The following DBT variants were observed in gnomAD, a reference collection of about 807,000 sequenced individuals.
DBT encodes the protein lipoamide acyltransferase component of branched-chain alpha-keto acid dehydrogenase complex, mitochondrial.
In DBT, 40 loss-of-function variants were observed where a neutral mutation model predicts 51.3. That is an observed-to-expected ratio of 0.78 (90% CI 0.61 to 1.02). DBT has a LOEUF of 1.02. Among genes scored for constraint, DBT ranks in the 50% least tolerant of loss-of-function variants. The pLI is 0.00. For synonymous variants in DBT, 181 were observed against 190.4 expected (o/e 0.95, Z 0.41); for missense variants, 510 against 580.2 (o/e 0.88, Z 1.24).
At chr1:100,202,309 G>C (rs1661489657) in intron 10 of DBT, among the ~76,000 whole-genome samples, 1 of 151,938 alleles carries the variant, frequency 6.6e-6, no homozygotes, top group South Asian at 2.1e-4. Context: ...ATAAAAAAAA[G>C]ACAAGGGCAT....
Position 100,219,533 on chromosome 1 carries a change from T to C in DBT, c.434-786A>G, listed in dbSNP as rs75767132. ...GGTGGGTGGATCACTTACTTGAGCC[T>C]AGGAGTTTAAGACCAGCCTGGGCAA... On this transcript the variant is annotated intron_variant, in intron 4 of 10. Coordinates refer to ENST00000370132, the MANE Select transcript of DBT (RefSeq NM_001918.5). Among the ~76,000 whole-genome samples, 436 of 152,078 alleles carry C rather than the reference T, an allele frequency of 2.9e-3. 3 individuals are homozygous for C. The highest frequency in any genetic ancestry group is 0.01 in the African/African-American group (420 of 41,492).
rs2100804264 is a variant in DBT, at chr1:100,218,632, T to C, written c.549A>G (p.Glu183=). The change falls in exon 5 of 11, where the codon GAA becomes GAG. Residue 183 remains glutamate, a synonymous_variant. Coordinates refer to ENST00000370132, the MANE Select transcript of DBT (RefSeq NM_001918.5). ...ATPAVRRLAM[E]NNIKLSEVVG... Reference sequence around the variant, plus strand: ...AAATATTAAGAGAACTTACATTGTTTTCCATTGCCAGACGGCGAACTGCAG... The same window carrying C: ...AAATATTAAGAGAACTTACATTGTTCTCCATTGCCAGACGGCGAACTGCAG... The C allele has an allele frequency of 6.2e-7, 1 of 1,614,042 alleles. No individual in the cohort carries two copies.
chr1:100,249,281 CA>C, intron 1 of DBT: 1 of 237,326 alleles, frequency 4.2e-6, no homozygotes, highest in South Asian at 6.0e-5. Context: ...AAGTACAAGG[CA>C]AAAGAGTGAC....
chr1:100,194,907 C>T lies in DBT; in HGVS notation c.*1348G>A, dbSNP rs1661001824. Reference sequence around the variant, plus strand: ...TTTTGGCATACAGTTTTCAACTGGACAATATTAGAAACAACATGGATTTCC... The same window carrying T: ...TTTTGGCATACAGTTTTCAACTGGATAATATTAGAAACAACATGGATTTCC... On this transcript the variant is annotated 3_prime_UTR_variant, in exon 11 of 11. Transcript: ENST00000370132. The T allele has an allele frequency of 6.6e-6, 1 of 152,080 alleles. No individual in the cohort carries two copies. Among genetic ancestry groups the T allele is most frequent in the South Asian group, 2.1e-4 (1 of 4,826 alleles). 9.4% of individuals were successfully genotyped at this position (152,080 alleles called of 1,614,324 possible).
chr1:100,240,801 G>C lies in DBT; in HGVS notation c.135C>G (p.Phe45Leu), dbSNP rs777026838. The C allele has an allele frequency of 6.2e-7, 1 of 1,606,260 alleles. No homozygotes were observed. Among genetic ancestry groups the C allele is most frequent in the South Asian group, 1.1e-5 (1 of 90,876 alleles). The change falls in exon 2 of 11, where the codon TTC becomes TTG. Residue 45 changes from phenylalanine to leucine, a missense_variant. By Grantham distance (22) the Phe-to-Leu change is conservative. Transcript: ENST00000370132. Reference sequence around the variant, plus strand: ...GGAAGTGATGTGGATGACTATACTTGAATGAAGGATAACCAAAGAAACACA... The same window carrying C: ...GGAAGTGATGTGGATGACTATACTTCAATGAAGGATAACCAAAGAAACACA... ...NYVCFFGYPSFKYSHPHHFLK... is the reference protein window; with the variant it reads ...NYVCFFGYPSLKYSHPHHFLK...
chr1:100,215,916 C>A lies in DBT; in HGVS notation c.772+67G>T, dbSNP rs958460442. 8.8e-6 allele frequency: 8 copies of A among 912,660 alleles called. No individual in the cohort carries two copies. In the Admixed American group the frequency reaches 1.4e-4, roughly 15 times the overall value. 56.5% of individuals were successfully genotyped at this position (912,660 alleles called of 1,614,324 possible). On this transcript the variant is annotated intron_variant, in intron 6 of 10. Transcript: ENST00000370132. ...AAAACACCATATTATATACATTTAT[C>A]TACTGAGGTAGCTTCCCCCAAAATA... is the stretch of plus-strand genomic sequence containing the variant.
chr1:100,234,408 G>A (rs556875318), intron 3 of DBT, among the ~76,000 whole-genome samples: 2 of 151,780 alleles, frequency 1.3e-5, no homozygotes, highest in South Asian at 4.2e-4. Flanking sequence ...GGCCCAGGTG[G>A]GAAGATCACT....
At position 100,215,889 on chromosome 1, in the gene DBT, T is replaced by G. The variant is rs1662446291; in HGVS notation, c.772+94A>C. 7.2e-6 allele frequency: 6 copies of G among 827,640 alleles called. No individual in the cohort carries two copies. In the South Asian group the frequency reaches 8.4e-5, roughly 12 times the overall value. The allele number at this position is 827,640 out of a possible 1,614,324, so 51.3% of individuals were successfully genotyped here. A position where few individuals can be genotyped will look rare whatever the true frequency, so the allele number is the denominator to read the frequency against. ...GTTGAACTTTCCCTTCAGTAAGACT[T>G]GAAAACACCATATTATATACATTTA... On this transcript the variant is annotated intron_variant, in intron 6 of 10. Coordinates refer to ENST00000370132, the MANE Select transcript of DBT (RefSeq NM_001918.5).
intron 1 of DBT, among the ~76,000 whole-genome samples, chr1:100,247,696 T>TA (rs1255949220): frequency 1.1e-4 from 1 of 8,782 alleles, no homozygotes; most frequent in African/African-American, 2.3e-4. Flanking sequence ...AAGACTCTTC[T>TA]CAAAAAAAAA....
At chr1:100,206,196 TA>T (rs767662363) in intron 10 of DBT, 33 bp downstream of exon 10, 1 of 1,497,306 alleles carries the variant, frequency 6.7e-7, no homozygotes, top group Non-Finnish European at 9.3e-7. Flanking sequence ...TGAATTTGCT[TA>T]AACTCCATTT....
intron 1 of DBT, chr1:100,249,046 G>C (rs1271151091): frequency 1.0e-6 from 1 of 968,322 alleles, no homozygotes; most frequent in African/African-American, 1.8e-5. Flanking sequence ...GCAGGCTCTT[G>C]AAAGTTTTTG....
At chr1:100,204,193 T>C (rs546491330) in intron 10 of DBT, among the ~76,000 whole-genome samples, 58 of 152,176 alleles carry the variant, frequency 3.8e-4, no homozygotes, top group South Asian at 1.2e-3. Flanking sequence ...TGATTGTATA[T>C]TTAGAAAACC....
intron 4 of DBT, among the ~76,000 whole-genome samples, chr1:100,228,004 CCCGG>C (rs1663322976): frequency 6.6e-6 from 1 of 151,990 alleles, no homozygotes; most frequent in South Asian, 2.1e-4. Context: ...TGCCACCACA[CCCGG>C]CTAATTTTTG....
At chr1:100,200,271 A>G (rs987588150) in intron 10 of DBT, among the ~76,000 whole-genome samples, 6 of 152,170 alleles carry the variant, frequency 3.9e-5, no homozygotes, top group African/African-American at 9.7e-5. Flanking sequence ...TTCCCCTCAC[A>G]GTGTAAATAA....
In DBT at chr1:100,240,796, T is replaced by C. The variant is rs1353466287; in HGVS notation, c.140A>G (p.Tyr47Cys). 1 of 1,606,446 alleles carries C rather than the reference T, an allele frequency of 6.2e-7. No individual in the cohort carries two copies. The highest frequency in any genetic ancestry group is 1.7e-5 in the Admixed American group (1 of 60,012). The change falls in exon 2 of 11, where the codon TAT (tyrosine) becomes TGT (cysteine). Residue 47 changes from tyrosine to cysteine, a missense_variant. By Grantham distance (194) the Tyr-to-Cys change is radical. Transcript: ENST00000370132. ...TTTCAGGAAGTGATGTGGATGACTA[T>C]ACTTGAATGAAGGATAACCAAAGAA... ...VCFFGYPSFK[Y>C]SHPHHFLKTT...
Position 100,249,795 on chromosome 1 carries a change from G to T in DBT, c.26C>A (p.Thr9Asn), listed in dbSNP as rs775810990. The T allele has an allele frequency of 6.2e-7, 1 of 1,614,174 alleles. No individual in the cohort carries two copies. The highest frequency in any genetic ancestry group is 8.5e-7 in the Non-Finnish European group (1 of 1,180,024). ...CAGCTTCCCCGCATTCCTGCTCCAG[G>T]TTCTCAGCATACGGACTGCAGCCAT... Reference protein sequence around the residue: MAAVRMLRTWSRNAGKLIC... With the variant: MAAVRMLRNWSRNAGKLIC... Residue 9 changes from threonine (T) to asparagine (N), a missense_variant, in exon 1 of 11, where the codon ACC (threonine) becomes AAC (asparagine). Thr to Asn is a moderately conservative substitution (Grantham distance 65). Transcript: ENST00000370132.
intron 4 of DBT, among the ~76,000 whole-genome samples, chr1:100,220,156 G>A (rs1223134829): frequency 6.6e-6 from 1 of 151,816 alleles, no homozygotes; most frequent in Non-Finnish European, 1.5e-5. Flanking sequence ...AAGAAAAAAG[G>A]AAAAGAAAAA....
intron 10 of DBT, 86 bp downstream of exon 10, chr1:100,206,144 G>A: frequency 1.1e-6 from 1 of 885,348 alleles, no homozygotes; most frequent in Non-Finnish European, 1.9e-6. Context: ...ACAAAAGGAG[G>A]GGAAACCTTA....
At chr1:100,247,521 A>G (rs1262748872) in intron 1 of DBT, among the ~76,000 whole-genome samples, 1 of 151,868 alleles carries the variant, frequency 6.6e-6, no homozygotes, top group East Asian at 1.9e-4. Flanking sequence ...CAACATGGCA[A>G]AACCCCGTCT....
Sources: gnomAD v4.1 joint callset for allele counts (sites outside exome capture counted in the v4.1 genomes callset) on GRCh38, gnomAD v4.1.1 for gene constraint, MANE v1.5 for transcripts, NCBI Gene and HGNC (gene_info 2026-07-23, HGNC 2026-07-21) for gene names.